The following OPCML variants were observed in gnomAD, a reference collection of about 807,000 sequenced individuals.
OPCML encodes the protein opioid-binding protein/cell adhesion molecule.
OPCML carries 13 observed loss-of-function variants against 37.8 expected under a neutral mutation model. The observed-to-expected ratio is 0.34, with a 90% CI of 0.22 to 0.55. The LOEUF is 0.55. OPCML is among the 20% of genes least tolerant of loss of function. The pLI is 0.91. For missense variants in OPCML, 341 were observed against 435.6 expected, an observed-to-expected ratio of 0.78 and a Z score of 1.93; for synonymous variants, 176 against 168.8, an observed-to-expected ratio of 1.04 and a Z score of -0.33.
rs570679980 is a variant in OPCML, at chr11:132,956,266, G to A, written c.62-13256C>T. 1.7e-4 allele frequency among the ~76,000 whole-genome samples: 26 copies of A among 152,222 alleles called. No homozygotes were observed. In the South Asian group the frequency reaches 1.9e-3, roughly 11 times the overall value. On this transcript the variant is annotated intron_variant, in intron 1 of 7. Transcript: ENST00000524381. The stretch of plus-strand genomic sequence containing the variant: ...AATCACGGTGGAAAAGCAGGTAGCC[G>A]TACCACGTGGCTAACAAGCAATGAA...
rs539660274 is a variant in OPCML, at chr11:133,060,245, TCA to T, written c.62-117237_62-117236del. ...CTCCTTCTCCCCATCCCCTCAGGAT[TCA>T]CAGCTTCTAAGCTTCTAATTCAGGA... On this transcript the variant is annotated intron_variant, in intron 1 of 7. Transcript: ENST00000524381. Among the ~76,000 whole-genome samples, 31 of 151,336 alleles carry T rather than the reference TCA, an allele frequency of 2.0e-4. No individual in the cohort carries two copies. In the East Asian group the frequency reaches 5.5e-3, roughly 27 times the overall value.
chr11:133,298,472 A>T (rs541531525), intron 1 of OPCML: 1 of 152,296 alleles, frequency 6.6e-6, no homozygotes, highest in African/African-American at 2.4e-5. Flanking sequence ...AGTTGCTATT[A>T]TTCATTTTTT....
chr11:132,643,444 G>A (rs1198628993), intron 3 of OPCML, among the ~76,000 whole-genome samples: 2 of 152,186 alleles, frequency 1.3e-5, no homozygotes, highest in Non-Finnish European at 2.9e-5. Context: ...TGCATGCAGA[G>A]CCTCAGGGAG....
intron 1 of OPCML, among the ~76,000 whole-genome samples, chr11:133,410,998 G>A (rs767754389): frequency 4.2e-4 from 64 of 152,222 alleles, no homozygotes; most frequent in Admixed American, 1.5e-3. Flanking sequence ...AAGCATCTTC[G>A]CATTTTGATC....
rs556566019 is a variant in OPCML at position 132,958,469 on chromosome 11, T to C, written c.62-15459A>G. ...CAGAAGATTTAGCTAAGATCATTGA[T>C]GAAGGTGGCTACACTCAACAGCAGA... is the stretch of plus-strand genomic sequence containing the variant. On this transcript the variant is annotated intron_variant, in intron 1 of 7. Transcript: ENST00000524381. Among the ~76,000 whole-genome samples, 9 of 152,334 alleles carry C rather than the reference T, an allele frequency of 5.9e-5. No individual in the cohort carries two copies. The South Asian group carries it at 1.7e-3, about 28-fold the overall frequency.
At chr11:133,504,397 T>C (rs1008680948) in intron 1 of OPCML, among the ~76,000 whole-genome samples, 2 of 152,188 alleles carry the variant, frequency 1.3e-5, no homozygotes, top group African/African-American at 4.8e-5. Flanking sequence ...AAAATACATT[T>C]GCTGACCCTG....
chr11:132,437,686 G>A (rs2096017862), intron 4 of OPCML, among the ~76,000 whole-genome samples: 1 of 152,114 alleles, frequency 6.6e-6, no homozygotes, highest in Non-Finnish European at 1.5e-5. Flanking sequence ...TCAGTGCATT[G>A]CCAAACTGAT....
At chr11:132,880,733 T>G (rs1337020751) in intron 2 of OPCML, among the ~76,000 whole-genome samples, 1 of 152,232 alleles carries the variant, frequency 6.6e-6, no homozygotes, top group Non-Finnish European at 1.5e-5. Context: ...ACTAACCAAA[T>G]TACTGGTAGA....
chr11:132,754,951 G>T (rs1250013767), intron 2 of OPCML, among the ~76,000 whole-genome samples: 1 of 152,096 alleles, frequency 6.6e-6, no homozygotes, highest in Non-Finnish European at 1.5e-5. Flanking sequence ...TGAAGAAGTG[G>T]GGCTGAAGAC....
chr11:133,304,111 C>T (rs576471134), intron 1 of OPCML, among the ~76,000 whole-genome samples: 1 of 152,274 alleles, frequency 6.6e-6, no homozygotes, highest in Non-Finnish European at 1.5e-5. Flanking sequence ...GATGTTCGCA[C>T]AAGGGAATAC....
chr11:133,440,799 TGTGA>T (rs1432765284), intron 1 of OPCML, among the ~76,000 whole-genome samples: 1 of 122,916 alleles, frequency 8.1e-6, no homozygotes, highest in Non-Finnish European at 1.5e-5. Context: ...TGTGTGTGTG[TGTGA>T]GTGTGTATGT....
chr11:132,516,777 A>G (rs1362414746), intron 4 of OPCML, among the ~76,000 whole-genome samples: 1 of 152,188 alleles, frequency 6.6e-6, no homozygotes, highest in Non-Finnish European at 1.5e-5. Context: ...GCATGCGTGC[A>G]TTAAATAAAC....
chr11:132,824,154 A>G (rs1375859133), intron 2 of OPCML, among the ~76,000 whole-genome samples: 4 of 152,304 alleles, frequency 2.6e-5, no homozygotes, highest in Non-Finnish European at 5.9e-5. Context: ...TTTTATCTAA[A>G]AATCTTGTGT....
At chr11:133,329,074 C>A (rs1427176599) in intron 1 of OPCML, among the ~76,000 whole-genome samples, 1 of 152,094 alleles carries the variant, frequency 6.6e-6, no homozygotes, top group Non-Finnish European at 1.5e-5. Context: ...GAGTGAACTC[C>A]CATTCACAAT....
chr11:133,276,254 AG>A (rs908843986), intron 1 of OPCML, among the ~76,000 whole-genome samples: 3 of 152,190 alleles, frequency 2.0e-5, no homozygotes, highest in African/African-American at 7.2e-5. Flanking sequence ...GCATATTTAC[AG>A]GTAGAAGTAA....
At chr11:133,015,110 C>G (rs925891657) in intron 1 of OPCML, among the ~76,000 whole-genome samples, 4 of 151,966 alleles carry the variant, frequency 2.6e-5, no homozygotes, top group African/African-American at 9.7e-5. Context: ...GAAACCTAAA[C>G]AATATACAGG....
chr11:133,458,506 ATATACACATATATACACTGTGTGTG>A lies in OPCML; in HGVS notation c.61+73733_61+73757del, dbSNP rs1565645365. On this transcript the variant is annotated intron_variant, in intron 1 of 7. Coordinates refer to ENST00000524381, the MANE Select transcript of OPCML (RefSeq NM_001012393.5). The stretch of plus-strand genomic sequence containing the variant: ...TACACATATATACACGTGTGTGTGT[ATATACACATATATACACTGTGTGTG>A]TATACACATATATACACGTGTGTGT... 7.4e-4 allele frequency among the ~76,000 whole-genome samples: 68 copies of A among 91,452 alleles called. 4 individuals carry two copies. The highest frequency in any genetic ancestry group is 8.5e-4 in the Non-Finnish European group (44 of 52,018). 60.0% of individuals were successfully genotyped at this position (91,452 alleles called of 152,430 possible).
intron 5 of OPCML, 88 bp from the exon 6 acceptor site, chr11:132,436,867 G>A (rs1036941758): frequency 6.5e-7 from 1 of 1,531,238 alleles, no homozygotes; most frequent in Admixed American, 2.0e-5. Flanking sequence ...GGCACATCCA[G>A]CCATTTGCTA....
At chr11:132,922,761 A>G (rs1289362153) in intron 2 of OPCML, among the ~76,000 whole-genome samples, 1 of 152,154 alleles carries the variant, frequency 6.6e-6, no homozygotes, top group Admixed American at 6.5e-5. Flanking sequence ...CCAGGAACGA[A>G]GTCCTGTGAA....
Sources: allele counts gnomAD v4.1 joint callset (sites outside exome capture counted in the v4.1 genomes callset), GRCh38; gene constraint gnomAD v4.1.1; transcripts MANE v1.5; gene names NCBI Gene and HGNC (gene_info 2026-07-23, HGNC 2026-07-21).